TRIM4: variants seen among roughly 807,000 people sequenced by gnomAD.
TRIM4 encodes the protein tripartite motif containing 4, also known as E3 ubiquitin-protein ligase TRIM4.
Under a neutral mutation model 33.7 loss-of-function variants are expected in TRIM4, and 29 were observed. The observed-to-expected ratio is 0.86, with a 90% CI of 0.64 to 1.17. The LOEUF is 1.17. Ranked by LOEUF, TRIM4 falls within the 50% of genes most tolerant of loss-of-function variation. TRIM4 has a pLI of 0.00. For missense variants in TRIM4, 554 were observed against 593.7 expected, an observed-to-expected ratio of 0.93 and a Z score of 0.69; for synonymous variants, 224 against 233.0, an observed-to-expected ratio of 0.96 and a Z score of 0.35.
chr7:99,903,549 TC>T, intron 4 of TRIM4, 26 bp downstream of exon 4: 1 of 1,614,070 alleles, frequency 6.2e-7, no homozygotes, highest in African/African-American at 1.3e-5. Context: ...GCCACCCAGG[TC>T]CCCATAAGAG....
chr7:99,919,346 A>T lies in TRIM4; in HGVS notation c.56T>A (p.Phe19Tyr). 6.3e-7 allele frequency: 1 copy of T among 1,579,792 alleles called. No individual in the cohort carries two copies. The highest frequency in any genetic ancestry group is 2.4e-5 in the East Asian group (1 of 41,794). Residue 19 changes from phenylalanine to tyrosine, a missense_variant, in exon 1 of 6, where the codon TTC becomes TAC. Physicochemically the swap from Phe to Tyr is conservative, Grantham distance 22. Transcript: ENST00000349062. ...GCACTCGATGGACACCGGGTCCTGG[A>T]AATAGTCCAGGCAGATGGGGCAGGT... Reference protein sequence around the residue: ...ELTCPICLDYFQDPVSIECGH... With the variant: ...ELTCPICLDYYQDPVSIECGH...
chr7:99,893,704 A>C (rs1055782104), intron 5 of TRIM4, among the ~76,000 whole-genome samples: 2 of 152,066 alleles, frequency 1.3e-5, no homozygotes, highest in Non-Finnish European at 2.9e-5. Context: ...TTAGTCACCA[A>C]GTCCTACCAA....
chr7:99,906,462 A>T (rs1159959513), intron 3 of TRIM4, among the ~76,000 whole-genome samples: 1 of 152,126 alleles, frequency 6.6e-6, no homozygotes, highest in Non-Finnish European at 1.5e-5. Flanking sequence ...AAAGTGCTGG[A>T]ATTACAGACG....
rs376793435 is a variant in TRIM4, at chr7:99,909,577, G to C, written c.477C>G (p.Ala159=). The change falls in exon 2 of 6, where the codon GCC becomes GCG. Residue 159 remains alanine, a synonymous_variant. Coordinates refer to ENST00000349062, the MANE Select transcript of TRIM4 (RefSeq NM_033091.3). ...CTTCTGCCATTACCTTCCACTGTGT[G>C]GCGTTCTTCACTTCTACATCCTGTA... ...MHLQDVEVKN[A]TQWKDKIKSQ... is the part of the protein sequence containing the mutation. The C allele has an allele frequency of 1.2e-6, 2 of 1,613,704 alleles. No individual in the cohort carries two copies. Among genetic ancestry groups the C allele is most frequent in the Middle Eastern group, 1.6e-4 (1 of 6,084 alleles).
intron 5 of TRIM4, among the ~76,000 whole-genome samples, chr7:99,895,224 G>A (rs1426154144): frequency 6.6e-6 from 1 of 151,972 alleles, no homozygotes; most frequent in Non-Finnish European, 1.5e-5. Context: ...TTTGCTTTAG[G>A]TGCATCCCAC....
At chr7:99,913,231 A>G (rs1162429201) in intron 1 of TRIM4, among the ~76,000 whole-genome samples, 1 of 152,176 alleles carries the variant, frequency 6.6e-6, no homozygotes, top group South Asian at 2.1e-4. Flanking sequence ...CCACAGTTGG[A>G]ATCTAAACTG....
intron 5 of TRIM4, among the ~76,000 whole-genome samples, chr7:99,899,772 G>C (rs1003890085): frequency 6.6e-6 from 1 of 152,252 alleles, no homozygotes; most frequent in South Asian, 2.1e-4. Context: ...GTGCGCACAC[G>C]TGCATGCATG....
rs1298978914 is a variant in TRIM4 at position 99,919,425 on chromosome 7, G to C, written c.-24C>G. Reference sequence around the variant, plus strand: ...ATGCTGCTTCCCTGCCGCGGAGACGGAGTCCGACGTGAGGCGCGGGAGAGG... The same window carrying C: ...ATGCTGCTTCCCTGCCGCGGAGACGCAGTCCGACGTGAGGCGCGGGAGAGG... On this transcript the variant is annotated 5_prime_UTR_variant, in exon 1 of 6. Coordinates refer to ENST00000349062, the MANE Select transcript of TRIM4 (RefSeq NM_033091.3). 4 of 1,508,276 alleles carry C rather than the reference G, an allele frequency of 2.7e-6. No individual in the cohort carries two copies. The highest frequency in any genetic ancestry group is 2.2e-5 in the Admixed American group (1 of 45,898). The allele number at this position is 1,508,276 out of a possible 1,614,324, so 93.4% of individuals were successfully genotyped here.
rs1819183195 is a variant in TRIM4, at chr7:99,902,006, T to C, written c.841+1212A>G. The C allele has an allele frequency of 1.2e-5, 8 of 684,374 alleles. No individual in the cohort carries two copies. The South Asian group carries it at 1.3e-4, about 11-fold the overall frequency. 42.4% of individuals were successfully genotyped at this position (684,374 alleles called of 1,614,324 possible). On this transcript the variant is annotated intron_variant, in intron 5 of 5. Coordinates refer to ENST00000349062, the MANE Select transcript of TRIM4 (RefSeq NM_033091.3). Reference sequence around the variant, plus strand: ...GGCTCTACCTCAGTTACCTCAGCCTTACATGGTCTGGAAACTCCCTCAGGC... The same window carrying C: ...GGCTCTACCTCAGTTACCTCAGCCTCACATGGTCTGGAAACTCCCTCAGGC...
chr7:99,896,723 T>C (rs1819024320), intron 5 of TRIM4, among the ~76,000 whole-genome samples: 1 of 152,238 alleles, frequency 6.6e-6, no homozygotes, highest in Non-Finnish European at 1.5e-5. Context: ...CTGGGCTGGT[T>C]GTCCACATGT....
At chr7:99,902,139 T>A (rs1476972990) in intron 5 of TRIM4, 1 of 765,320 alleles carries the variant, frequency 1.3e-6, no homozygotes, top group Non-Finnish European at 2.4e-6. Flanking sequence ...TTTCACATAT[T>A]GTGCCTGTTT....
chr7:99,904,963 C>T (rs1819263727), intron 3 of TRIM4, among the ~76,000 whole-genome samples: 1 of 151,204 alleles, frequency 6.6e-6, no homozygotes, highest in Admixed American at 6.6e-5. Context: ...ACCTGGGGGG[C>T]GAAGTTGCAG....
At chr7:99,906,360 C>CT (rs771031368) in intron 3 of TRIM4, among the ~76,000 whole-genome samples, 7 of 146,422 alleles carry the variant, frequency 4.8e-5, no homozygotes, top group Admixed American at 1.4e-4. Flanking sequence ...GAGTGTCATA[C>CT]TTTTTTTTTT....
chr7:99,912,145 G>A (rs987714626), intron 1 of TRIM4, among the ~76,000 whole-genome samples: 2 of 152,158 alleles, frequency 1.3e-5, no homozygotes, highest in Non-Finnish European at 1.5e-5. Flanking sequence ...TCTCTGGATG[G>A]TAATATCCTT....
intron 5 of TRIM4, among the ~76,000 whole-genome samples, chr7:99,893,322 A>C (rs1323496114): frequency 6.6e-6 from 1 of 150,676 alleles, no homozygotes. Flanking sequence ...TCATGCCCCA[A>C]GTTTTCACAA....
intron 3 of TRIM4, among the ~76,000 whole-genome samples, chr7:99,906,065 T>C (rs1410978626): frequency 1.3e-5 from 2 of 151,862 alleles, no homozygotes; most frequent in Non-Finnish European, 2.9e-5. Context: ...GAATAGCTTG[T>C]ACCCGGGAGG....
At chr7:99,908,880 T>C (rs1819371109) in intron 2 of TRIM4, 68 bp from the exon 3 acceptor site, 1 of 1,423,562 alleles carries the variant, frequency 7.0e-7, no homozygotes, top group Non-Finnish European at 9.7e-7. Flanking sequence ...CCTTACACAA[T>C]TCCCCAGTAA....
chr7:99,916,824 T>G (rs1189068339), intron 1 of TRIM4: 2 of 776,110 alleles, frequency 2.6e-6, no homozygotes, highest in African/African-American at 3.4e-5. Context: ...CTTAAAACCC[T>G]TTTATAACTC....
rs753091177 is a variant in TRIM4 at position 99,919,409 on chromosome 7, C to T, written c.-8G>A. On this transcript the variant is annotated 5_prime_UTR_variant, in exon 1 of 6. Coordinates refer to ENST00000349062, the MANE Select transcript of TRIM4 (RefSeq NM_033091.3). Reference sequence around the variant, plus strand: ...GATGTCCTCAGCTTCCATGCTGCTTCCCTGCCGCGGAGACGGAGTCCGACG... The same window carrying T: ...GATGTCCTCAGCTTCCATGCTGCTTTCCTGCCGCGGAGACGGAGTCCGACG... 24 of 1,530,364 alleles carry T rather than the reference C, an allele frequency of 1.6e-5. No homozygotes were observed. The highest frequency in any genetic ancestry group is 2.1e-5 in the Non-Finnish European group (24 of 1,140,930). The allele number at this position is 1,530,364 out of a possible 1,614,324, so 94.8% of individuals were successfully genotyped here. A position where few individuals can be genotyped will look rare whatever the true frequency, so the allele number is the denominator to read the frequency against.
Sources: allele counts gnomAD v4.1 joint callset (sites outside exome capture counted in the v4.1 genomes callset), GRCh38; gene constraint gnomAD v4.1.1; transcripts MANE v1.5; gene names NCBI Gene and HGNC (gene_info 2026-07-23, HGNC 2026-07-21).